Variants in MRE11 observed in about 807,000 individuals in gnomAD.
The protein encoded by MRE11 is MRE11 double strand break repair nuclease.
MRE11 carries 62 observed loss-of-function variants against 91.7 expected under a neutral mutation model. That is an observed-to-expected ratio of 0.68 (90% CI 0.55 to 0.84). The LOEUF (loss-of-function observed/expected upper bound fraction) is 0.84, where lower values mean the gene tolerates loss of function less well. Among genes scored for constraint, MRE11 ranks in the 40% least tolerant of loss-of-function variants. The pLI, the probability that MRE11 is intolerant of heterozygous loss-of-function variation, is 0.00. For synonymous variants in MRE11, 273 were observed against 271.4 expected (o/e 1.01, Z -0.06); for missense variants, 796 against 852.9 (o/e 0.93, Z 0.83).
At chr11:94,484,691 C>T (rs1231304247) in intron 4 of MRE11, among the ~76,000 whole-genome samples, 2 of 152,186 alleles carry the variant, frequency 1.3e-5, no homozygotes, top group African/African-American at 4.8e-5. Flanking sequence ...TATGATGCGA[C>T]TGAAAGGGTA....
chr11:94,462,418 G>GA (rs1220264785), intron 11 of MRE11, among the ~76,000 whole-genome samples: 1 of 152,154 alleles, frequency 6.6e-6, no homozygotes, highest in African/African-American at 2.4e-5. Context: ...CACAGAATTG[G>GA]AAAAAACTAC....
intron 7 of MRE11, among the ~76,000 whole-genome samples, chr11:94,472,324 A>G (rs972236391): frequency 6.6e-6 from 1 of 152,104 alleles, no homozygotes; most frequent in African/African-American, 2.4e-5. Context: ...CATGAAATGC[A>G]AGGTGATAGA....
intron 10 of MRE11, among the ~76,000 whole-genome samples, chr11:94,465,156 T>C (rs1474816129): frequency 1.3e-5 from 2 of 152,220 alleles, no homozygotes; most frequent in African/African-American, 4.8e-5. Flanking sequence ...TGTCTTTTAG[T>C]CAGTACAATG....
chr11:94,449,345 T>A (rs1946031112), intron 14 of MRE11, among the ~76,000 whole-genome samples: 2 of 152,250 alleles, frequency 1.3e-5, no homozygotes, highest in Admixed American at 1.3e-4. Flanking sequence ...GTGATTTCAA[T>A]TCATCTTTCC....
intron 3 of MRE11, among the ~76,000 whole-genome samples, chr11:94,487,483 A>T: frequency 6.6e-6 from 1 of 152,170 alleles, no homozygotes; most frequent in East Asian, 1.9e-4. Flanking sequence ...TAGGGTCATG[A>T]AAAACAAAGG....
At chr11:94,421,781 G>A (rs1376920818) in intron 19 of MRE11, among the ~76,000 whole-genome samples, 9 of 152,300 alleles carry the variant, frequency 5.9e-5, no homozygotes, top group East Asian at 3.9e-4. Flanking sequence ...AGGTACTTAC[G>A]CTATGTGAAA....
chr11:94,419,443 G>A lies in MRE11; in HGVS notation c.*682C>T. 1 of 229,528 alleles carries A rather than the reference G, an allele frequency of 4.4e-6. No individual in the cohort carries two copies. The highest frequency in any genetic ancestry group is 8.6e-6 in the Non-Finnish European group (1 of 116,864). The allele number at this position is 229,528 out of a possible 1,614,324, so 14.2% of individuals were successfully genotyped here. A position where few individuals can be genotyped will look rare whatever the true frequency, so the allele number is the denominator to read the frequency against. ...GAAGAAAAAGCAAAGGAGAAAGGAAGAGTGGGGAACGGGGGGGAGAGGGAG... is the reference window on the plus strand; with the variant it reads ...GAAGAAAAAGCAAAGGAGAAAGGAAAAGTGGGGAACGGGGGGGAGAGGGAG... On this transcript the variant is annotated 3_prime_UTR_variant, in exon 20 of 20. Coordinates refer to ENST00000323929, the MANE Select transcript of MRE11 (RefSeq NM_005591.4).
chr11:94,445,968 A>C (rs1489468099), intron 15 of MRE11, 75 bp from the exon 16 acceptor site: 10 of 1,033,378 alleles, frequency 9.7e-6, no homozygotes, highest in African/African-American at 1.6e-5. Context: ...CTAAAAAATG[A>C]AAGCTAAATA....
intron 1 of MRE11, among the ~76,000 whole-genome samples, chr11:94,493,355 G>C (rs1005907185): frequency 1.3e-5 from 2 of 152,102 alleles, no homozygotes; most frequent in African/African-American, 4.8e-5. Flanking sequence ...AAAAGGGAAC[G>C]GGCCCGCGTT....
chr11:94,512,367 CA>C, the MRE11 span: 1 of 587,400 alleles, frequency 1.7e-6, no homozygotes, highest in African/African-American at 1.9e-5. Flanking sequence ...ATAACTTCAG[CA>C]CCTTCTTTGG....
chr11:94,486,159 T>TAA lies in MRE11; in HGVS notation c.154-77_154-76dup, dbSNP rs199539992. Reference sequence around the variant, plus strand: ...TTTTGTAAACTACAGATGAAAGAGATAAAAAAAAACTCACAAAAGACACTA... The same window carrying TAA: ...TTTTGTAAACTACAGATGAAAGAGATAAAAAAAAAAACTCACAAAAGACACTA... On this transcript the variant is annotated intron_variant, in intron 3 of 19. Coordinates refer to ENST00000323929, the MANE Select transcript of MRE11 (RefSeq NM_005591.4). 1.9e-5 allele frequency: 27 copies of TAA among 1,414,434 alleles called. No individual in the cohort carries two copies. The African/African-American group carries it at 3.4e-4, about 18-fold the overall frequency. 87.6% of individuals were successfully genotyped at this position (1,414,434 alleles called of 1,614,324 possible). A position where few individuals can be genotyped will look rare whatever the true frequency, so the allele number is the denominator to read the frequency against.
rs1249762075 is a variant in MRE11, at chr11:94,417,505, T to C, written c.*2620A>G. 4.3e-5 allele frequency: 10 copies of C among 232,970 alleles called. 1 individual carries two copies. The East Asian group carries it at 6.1e-4, about 14-fold the overall frequency. The allele number at this position is 232,970 out of a possible 1,614,324, so 14.4% of individuals were successfully genotyped here. On this transcript the variant is annotated 3_prime_UTR_variant, in exon 20 of 20. Transcript: ENST00000323929. ...TATTAATGCATATGTTCTAAGTTTA[T>C]TGCAACTACACTAACTTCGTAATTT...
chr11:94,462,510 C>T (rs1425850637), intron 11 of MRE11, among the ~76,000 whole-genome samples: 1 of 152,072 alleles, frequency 6.6e-6, no homozygotes, highest in Admixed American at 6.6e-5. Context: ...GAGGCATCAC[C>T]CTACCTGACT....
chr11:94,437,205 C>A lies in MRE11; in HGVS notation c.1898G>T (p.Arg633Leu). ...AFKSTRQQPS[R>L]NVTTKNYSEV... Reference sequence around the variant, plus strand: ...TGAATAATTCTTAGTAGTGACATTTCGGGAAGGCTGCTGTCTTGTAGATTT... The same window carrying A: ...TGAATAATTCTTAGTAGTGACATTTAGGGAAGGCTGCTGTCTTGTAGATTT... Residue 633 changes from arginine (R) to leucine (L), a missense_variant, in exon 17 of 20, where the codon CGA (arginine) becomes CTA (leucine). Arg to Leu is a moderately radical substitution (Grantham distance 102). Coordinates refer to ENST00000323929, the MANE Select transcript of MRE11 (RefSeq NM_005591.4). 1.2e-6 allele frequency: 2 copies of A among 1,612,804 alleles called. No individual in the cohort carries two copies. Among genetic ancestry groups the A allele is most frequent in the Non-Finnish European group, 1.7e-6 (2 of 1,179,376 alleles).
intron 7 of MRE11, chr11:94,473,203 C>T (rs1265581955): frequency 6.6e-6 from 1 of 152,060 alleles, no homozygotes; most frequent in Non-Finnish European, 1.5e-5. Flanking sequence ...AATATACAGG[C>T]TTGTGTATCC....
At chr11:94,458,342 T>C (rs1946317283) in intron 13 of MRE11, among the ~76,000 whole-genome samples, 1 of 151,176 alleles carries the variant, frequency 6.6e-6, no homozygotes, top group African/African-American at 2.4e-5. Context: ...CAATTACATA[T>C]AAAATAAAAA....
chr11:94,455,306 C>A (rs1946220628), intron 14 of MRE11, among the ~76,000 whole-genome samples: 1 of 152,206 alleles, frequency 6.6e-6, no homozygotes, highest in East Asian at 1.9e-4. Context: ...ATCTTCCTTA[C>A]ACAAATGTCT....
At position 94,437,157 on chromosome 11, in the gene MRE11, C is replaced by G; in HGVS notation, c.1926+20G>C. 6.3e-7 allele frequency: 1 copy of G among 1,599,868 alleles called. No homozygotes were observed. The highest frequency in any genetic ancestry group is 1.1e-5 in the South Asian group (1 of 89,886). On this transcript the variant is annotated intron_variant, in intron 17 of 19. Coordinates refer to ENST00000323929, the MANE Select transcript of MRE11 (RefSeq NM_005591.4). ...AAAACATAAATTATTAATACACAAC[C>G]ATAAAACTTTTTTTCTTACCTCTGA...
intron 14 of MRE11, among the ~76,000 whole-genome samples, chr11:94,456,011 C>A (rs150214361): frequency 2.0e-4 from 31 of 152,284 alleles, no homozygotes; most frequent in Admixed American, 5.9e-4. Flanking sequence ...CCCCTCCAAC[C>A]TTAGCCTCTC....
Sources: allele counts gnomAD v4.1 joint callset (sites outside exome capture counted in the v4.1 genomes callset), GRCh38; gene constraint gnomAD v4.1.1; transcripts MANE v1.5; gene names NCBI Gene and HGNC (gene_info 2026-07-23, HGNC 2026-07-21).